Variants in CHD8 observed in about 807,000 individuals in gnomAD.
The protein encoded by CHD8 is ATP-dependent chromatin remodeler CHD8.
A neutral mutation model predicts 279.2 loss-of-function variants in CHD8; 31 were observed. The ratio of observed to expected loss-of-function variants is 0.11; its 90% CI spans 0.08 to 0.15. The LOEUF is 0.15. Among genes scored for constraint, CHD8 ranks in the 10% least tolerant of loss-of-function variants. CHD8 has a pLI of 1.00. For synonymous variants in CHD8, 1,081 were observed against 1,139.6 expected, an observed-to-expected ratio of 0.95 and a Z score of 1.04; for missense variants, 2,146 against 3,230.5, an observed-to-expected ratio of 0.66 and a Z score of 8.14.
chr14:21,411,170 C>T (rs1888476502), intron 10 of CHD8, among the ~76,000 whole-genome samples: 1 of 152,092 alleles, frequency 6.6e-6, no homozygotes, highest in African/African-American at 2.4e-5. Context: ...ATAAGACTGT[C>T]AAGGCTGGAA....
At chr14:21,455,127 G>A in intron 1 of CHD8, 1 of 152,212 alleles carries the variant, frequency 6.6e-6, no homozygotes, top group East Asian at 1.9e-4. Flanking sequence ...TGTGTTTGGG[G>A]CGCTCCGCTG....
intron 26 of CHD8, 143 bp from the exon 27 acceptor site, chr14:21,398,095 T>A (rs1432778679): frequency 5.4e-6 from 4 of 735,950 alleles, no homozygotes; most frequent in African/African-American, 5.3e-5. Context: ...GGACAACTAC[T>A]GGGTTTATTA....
chr14:21,440,053 G>A (rs1889916939), intron 1 of CHD8, among the ~76,000 whole-genome samples: 1 of 152,188 alleles, frequency 6.6e-6, no homozygotes, highest in African/African-American at 2.4e-5. Flanking sequence ...GTAAGTAAGA[G>A]TGCATTTGTG....
At chr14:21,424,682 A>G (rs1238162233) in intron 5 of CHD8, among the ~76,000 whole-genome samples, 2 of 152,176 alleles carry the variant, frequency 1.3e-5, no homozygotes, top group Non-Finnish European at 2.9e-5. Context: ...CGTGTTAGCC[A>G]GGATGGTCTC....
At position 21,429,477 on chromosome 14, in the gene CHD8, A is replaced by G. The variant is rs1889472789; in HGVS notation, c.844-142T>C. The G allele has an allele frequency of 6.8e-6, 6 of 880,226 alleles. No homozygotes were observed. The East Asian group carries it at 7.2e-5, about 11-fold the overall frequency. The allele number at this position is 880,226 out of a possible 1,614,324, so 54.5% of individuals were successfully genotyped here. ...TACAACTCACTTTGTTCATCATCCT[A>G]TCTGTCTTGATGCAATCTTTTTTGT... On this transcript the variant is annotated intron_variant, in intron 2 of 37. Transcript: ENST00000646647.
intron 1 of CHD8, among the ~76,000 whole-genome samples, chr14:21,438,267 G>T (rs1319740435): frequency 6.6e-6 from 1 of 151,966 alleles, no homozygotes; most frequent in Non-Finnish European, 1.5e-5. Flanking sequence ...CACTATGTTG[G>T]CTAGGCTGGT....
At chr14:21,404,209 C>T (rs1273058707) in intron 16 of CHD8, among the ~76,000 whole-genome samples, 1 of 151,804 alleles carries the variant, frequency 6.6e-6, no homozygotes, top group Admixed American at 6.6e-5. Context: ...ACCAGCCTGC[C>T]CCATGTGGCG....
In CHD8 at chr14:21,405,653, G is replaced by C; in HGVS notation, c.3051+68C>G. ...GGCCCTTGAGATACCCATGACAACA[G>C]ATGTCTGCCTTGTACAAACTTCACC... On this transcript the variant is annotated intron_variant, in intron 15 of 37. Coordinates refer to ENST00000646647, the MANE Select transcript of CHD8 (RefSeq NM_001170629.2). This position sits in a 1 kb window ranked among gnomAD's most constrained non-coding sequence, Gnocchi z 4.2. 1.9e-6 allele frequency: 3 copies of C among 1,564,236 alleles called. No individual in the cohort carries two copies. The highest frequency in any genetic ancestry group is 2.6e-6 in the Non-Finnish European group (3 of 1,145,790).
In CHD8 at chr14:21,386,004, C is replaced by G. The variant is rs1887211058; in HGVS notation, c.7355G>C (p.Ser2452Thr). 1.3e-6 allele frequency: 2 copies of G among 1,590,422 alleles called. No homozygotes were observed. Among genetic ancestry groups the G allele is most frequent in the South Asian group, 2.3e-5 (2 of 86,948 alleles). ...SLHNTFQHSS[S>T]GLQSVSSLGH... is the part of the protein sequence containing the mutation. ...CAAAGATGACACAGACTGTAGGCCA[C>G]TACTGCTGTGTTGGAACGTGTTATG... Residue 2452 changes from serine (S) to threonine (T), a missense_variant, in exon 38 of 38, where the codon AGT becomes ACT. Physicochemically the swap from Ser to Thr is moderately conservative, Grantham distance 58. This residue lies in a region of CHD8 where 336 missense variants were observed against 392.9 expected (regional missense o/e 0.86). Transcript: ENST00000646647.
At chr14:21,423,320 C>T (rs755547831) in intron 5 of CHD8, among the ~76,000 whole-genome samples, 3 of 152,194 alleles carry the variant, frequency 2.0e-5, no homozygotes, top group Non-Finnish European at 4.4e-5. Context: ...CTTCTTGCCA[C>T]ATCATCCCAT....
rs1179554999 is a variant in CHD8 at position 21,401,017 on chromosome 14, T to C, written c.4228A>G (p.Thr1410Ala). The C allele has an allele frequency of 1.9e-6, 3 of 1,613,732 alleles. No homozygotes were observed. Among genetic ancestry groups the C allele is most frequent in the Non-Finnish European group, 2.5e-6 (3 of 1,179,862 alleles). Residue 1410 changes from threonine to alanine, a missense_variant, in exon 22 of 38, where the codon ACT becomes GCT. By Grantham distance (58) the Thr-to-Ala change is moderately conservative. This residue lies in a region of CHD8 where 74 missense variants were observed against 91.5 expected (regional missense o/e 0.81). Transcript: ENST00000646647. Reference protein sequence around the residue: ...RVRKQTRHFSTLKDDDLVEFS... With the variant: ...RVRKQTRHFSALKDDDLVEFS... Reference sequence around the variant, plus strand: ...TCCACCAGGTCATCATCTTTCAGAGTGCTAAAGTGGCGCGTTTGTTTTCGT... The same window carrying C: ...TCCACCAGGTCATCATCTTTCAGAGCGCTAAAGTGGCGCGTTTGTTTTCGT...
At chr14:21,404,398 T>TAAAAAAAAAAA (rs974957250) in intron 16 of CHD8, among the ~76,000 whole-genome samples, 2 of 98,650 alleles carry the variant, frequency 2.0e-5, no homozygotes, top group East Asian at 2.8e-4. Flanking sequence ...AACTCCATCT[T>TAAAAAAAAAAA]AAAAAAAAAA....
chr14:21,434,085 G>A (rs1357911513), intron 1 of CHD8, among the ~76,000 whole-genome samples: 1 of 136,496 alleles, frequency 7.3e-6, no homozygotes, highest in Non-Finnish European at 1.5e-5. Flanking sequence ...CACTCTTGTC[G>A]CCCAGGCTGG....
intron 1 of CHD8, among the ~76,000 whole-genome samples, chr14:21,450,649 T>G (rs1890235105): frequency 6.7e-6 from 1 of 149,440 alleles, no homozygotes; most frequent in South Asian, 2.1e-4. Context: ...CACAGTAAGA[T>G]CCTGTCTCTT....
At chr14:21,436,369 T>C (rs1889780201) in intron 1 of CHD8, among the ~76,000 whole-genome samples, 1 of 152,204 alleles carries the variant, frequency 6.6e-6, no homozygotes, top group Admixed American at 6.5e-5. Context: ...ATCACCAACA[T>C]AATTTTAAAA....
At chr14:21,398,862 A>G (rs1887906694) in intron 26 of CHD8, 1 of 245,084 alleles carries the variant, frequency 4.1e-6, no homozygotes, top group Non-Finnish European at 8.4e-6. Context: ...CAAATGGGAC[A>G]TGTAGAAAAA....
Position 21,386,086 on chromosome 14 carries a change from C to T in CHD8, c.7273G>A (p.Asp2425Asn). The T allele has an allele frequency of 2.5e-6, 4 of 1,571,980 alleles. No homozygotes were observed. The highest frequency in any genetic ancestry group is 3.5e-6 in the Non-Finnish European group (4 of 1,157,938). The change falls in exon 38 of 38, where the codon GAC (aspartate) becomes AAC (asparagine). Residue 2425 changes from aspartate (D) to asparagine (N), a missense_variant. Coordinates refer to ENST00000646647, the MANE Select transcript of CHD8 (RefSeq NM_001170629.2). Reference sequence around the variant, plus strand: ...ATGAGGGCCATCATCTTAGAAAGGTCTGGTCGCATCCTACGGGCCCGCTTC... The same window carrying T: ...ATGAGGGCCATCATCTTAGAAAGGTTTGGTCGCATCCTACGGGCCCGCTTC... The part of the protein sequence containing the change: ...SKKRARRMRP[D>N]LSKMMALMQG...
chr14:21,391,309 C>T lies in CHD8; in HGVS notation c.7065+154G>A, dbSNP rs574291735. 5.3e-5 allele frequency among the ~76,000 whole-genome samples: 8 copies of T among 152,324 alleles called. No individual in the cohort carries two copies. The East Asian group carries it at 1.4e-3, about 26-fold the overall frequency. On this transcript the variant is annotated intron_variant, in intron 36 of 37. Coordinates refer to ENST00000646647, the MANE Select transcript of CHD8 (RefSeq NM_001170629.2). ...CATTATTTTATTTTGGGCATCACAACAATTGTGAGGTTGGAAGACTGGGTA... is the reference window on the plus strand; with the variant it reads ...CATTATTTTATTTTGGGCATCACAATAATTGTGAGGTTGGAAGACTGGGTA...
rs538815530 is a variant in CHD8 at position 21,430,706 on chromosome 14, C to T, written c.843+95G>A. The T allele has an allele frequency of 6.7e-6, 5 of 748,248 alleles. No individual in the cohort carries two copies. The African/African-American group carries it at 7.0e-5, about 11-fold the overall frequency. The allele number at this position is 748,248 out of a possible 1,614,324, so 46.4% of individuals were successfully genotyped here. On this transcript the variant is annotated intron_variant, in intron 2 of 37. Coordinates refer to ENST00000646647, the MANE Select transcript of CHD8 (RefSeq NM_001170629.2). Reference sequence around the variant, plus strand: ...AAACCAAAGATGGAATTTAAATAGGCTTTCCCAGAGAAAGCTCTCATGTGC... The same window carrying T: ...AAACCAAAGATGGAATTTAAATAGGTTTTCCCAGAGAAAGCTCTCATGTGC...
Sources: gnomAD v4.1 joint callset for allele counts (sites outside exome capture counted in the v4.1 genomes callset) on GRCh38, gnomAD v4.1.1 for gene constraint, gnomAD v4.1.1 regional missense constraint, Gnocchi (gnomAD v3.1) non-coding constraint, MANE v1.5 for transcripts, NCBI Gene and HGNC (gene_info 2026-07-23, HGNC 2026-07-21) for gene names.